The following C13orf42 variants were observed in gnomAD, a reference collection of about 807,000 sequenced individuals.
The protein encoded by C13orf42 is chromosome 13 open reading frame 42.
At chr13:51,137,242 T>A (rs1953664544) in intron 1 of C13orf42, among the ~76,000 whole-genome samples, 1 of 152,256 alleles carries the variant, frequency 6.6e-6, no homozygotes. Context: ...GACACATTTC[T>A]AGACAATGCT....
intron 1 of C13orf42, among the ~76,000 whole-genome samples, chr13:51,150,510 T>C (rs1331596743): frequency 6.6e-6 from 1 of 152,196 alleles, no homozygotes; most frequent in Non-Finnish European, 1.5e-5. Flanking sequence ...AACCAAAACA[T>C]ATATATTCAG....
intron 1 of C13orf42, among the ~76,000 whole-genome samples, chr13:51,101,667 C>T (rs559271056): frequency 1.2e-4 from 19 of 152,216 alleles, no homozygotes; most frequent in East Asian, 5.8e-4. Flanking sequence ...TGCTAAAGGT[C>T]GGAGTTAAAA....
chr13:51,172,092 C>T lies in C13orf42; in HGVS notation n.136+161G>A, dbSNP rs868357779. On this transcript the variant is annotated intron_variant and non_coding_transcript_variant, in intron 1 of 4. Coordinates refer to the C13orf42 transcript ENST00000433280. ...CACAAGAACTTCCAAACGCCTGAACCGCAGCGGCCAGGCGTTCCTCCAGAA... is the reference window on the plus strand; with the variant it reads ...CACAAGAACTTCCAAACGCCTGAACTGCAGCGGCCAGGCGTTCCTCCAGAA... The T allele has an allele frequency of 1.1e-4, 17 of 152,082 alleles. 1 individual carries two copies. Among genetic ancestry groups the T allele is most frequent in the Admixed American group, 5.2e-4 (8 of 15,280 alleles). 9.4% of individuals were successfully genotyped at this position (152,082 alleles called of 1,614,324 possible).
intron 1 of C13orf42, among the ~76,000 whole-genome samples, chr13:51,142,363 T>C (rs1953701815): frequency 6.6e-6 from 1 of 152,212 alleles, no homozygotes; most frequent in South Asian, 2.1e-4. Context: ...TTTTTTACTG[T>C]CTTAGTTATA....
chr13:51,095,506 A>G (rs909906462), intron 1 of C13orf42, among the ~76,000 whole-genome samples: 3 of 151,462 alleles, frequency 2.0e-5, no homozygotes, highest in Non-Finnish European at 4.4e-5. Context: ...TAGTTCTTGG[A>G]TGCTCTGTTT....
intron 1 of C13orf42, among the ~76,000 whole-genome samples, chr13:51,092,118 AGTTTATGCCT>A (rs1953186389): frequency 1.3e-5 from 2 of 152,158 alleles, no homozygotes; most frequent in Admixed American, 1.3e-4. Context: ...GAATCATCCC[AGTTTATGCCT>A]GTTATCCCAG....
intron 1 of C13orf42, among the ~76,000 whole-genome samples, chr13:51,109,166 G>C (rs371647887): frequency 1.3e-4 from 20 of 152,250 alleles, no homozygotes; most frequent in African/African-American, 4.6e-4. Flanking sequence ...CTTTTTTATG[G>C]GCCCCCAACA....
At chr13:51,085,993 G>C (rs1413500710) in intron 2 of C13orf42, among the ~76,000 whole-genome samples, 2 of 152,060 alleles carry the variant, frequency 1.3e-5, no homozygotes, top group African/African-American at 2.4e-5. Context: ...CTCCAGCCTG[G>C]ATGACAGAGC....
chr13:51,161,656 C>T, intron 1 of C13orf42: 1 of 179,574 alleles, frequency 5.6e-6, no homozygotes, highest in Non-Finnish European at 1.2e-5. Flanking sequence ...TCCATTCCTT[C>T]CCATGGAAAC....
intron 1 of C13orf42, among the ~76,000 whole-genome samples, chr13:51,102,497 A>T (rs1484063722): frequency 6.6e-6 from 1 of 152,208 alleles, no homozygotes; most frequent in Non-Finnish European, 1.5e-5. Flanking sequence ...ATTTTCACTA[A>T]AAATCAATCA....
At chr13:51,094,660 G>A (rs929963570) in intron 1 of C13orf42, among the ~76,000 whole-genome samples, 3 of 152,024 alleles carry the variant, frequency 2.0e-5, no homozygotes, top group African/African-American at 7.2e-5. Context: ...TGTACTACAG[G>A]TCTGCTGAAA....
At chr13:51,115,479 T>C (rs1176062886), upstream of C13orf42, among the ~76,000 whole-genome samples, 1 of 152,122 alleles carries the variant, frequency 6.6e-6, no homozygotes, top group Non-Finnish European at 1.5e-5. Context: ...GGATAGTCTG[T>C]GGCACACACC....
chr13:51,121,194 C>T (rs118152312), intron 1 of C13orf42, among the ~76,000 whole-genome samples: 2,005 of 152,174 alleles, frequency 0.013, 20 homozygotes, highest in Middle Eastern at 0.021. Flanking sequence ...AGGAACACTG[C>T]GAAGGATTCA....
At chr13:51,144,710 C>A (rs1953721670) in intron 1 of C13orf42, among the ~76,000 whole-genome samples, 1 of 152,154 alleles carries the variant, frequency 6.6e-6, no homozygotes, top group Non-Finnish European at 1.5e-5. Context: ...CACTTTCTGA[C>A]AGGTGTAGAA....
chr13:51,092,029 G>C (rs897615389), intron 1 of C13orf42, among the ~76,000 whole-genome samples: 9 of 152,270 alleles, frequency 5.9e-5, no homozygotes, highest in African/African-American at 2.2e-4. Flanking sequence ...CAAAGTATGA[G>C]AACATCTCAC....
intron 1 of C13orf42, among the ~76,000 whole-genome samples, chr13:51,129,807 C>A (rs1953603035): frequency 6.6e-6 from 1 of 152,020 alleles, no homozygotes; most frequent in Admixed American, 6.6e-5. Flanking sequence ...TAGAACATGG[C>A]CTTAGAACCC....
chr13:51,101,350 TG>T (rs1953288303), intron 1 of C13orf42, among the ~76,000 whole-genome samples: 1 of 152,324 alleles, frequency 6.6e-6, no homozygotes, highest in East Asian at 1.9e-4. Context: ...TATACTTTTC[TG>T]TGTGTTATGA....
intron 1 of C13orf42, among the ~76,000 whole-genome samples, chr13:51,128,471 G>T (rs1388409913): frequency 6.6e-6 from 1 of 152,174 alleles, no homozygotes; most frequent in African/African-American, 2.4e-5. Context: ...CTGGGTAAAG[G>T]ATGGGATTGG....
chr13:51,114,811 G>A (rs970961162), upstream of C13orf42, among the ~76,000 whole-genome samples: 4 of 152,148 alleles, frequency 2.6e-5, no homozygotes, highest in East Asian at 1.9e-4. Flanking sequence ...GGACTCTAAC[G>A]TACAACATGA....
Sources: gnomAD v4.1 joint callset for allele counts (sites outside exome capture counted in the v4.1 genomes callset) on GRCh38, gnomAD v4.1.1 for gene constraint, MANE v1.5 for transcripts, NCBI Gene and HGNC (gene_info 2026-07-23, HGNC 2026-07-21) for gene names.